The following TJP1 variants were observed in gnomAD, a reference collection of about 807,000 sequenced individuals.
TJP1 encodes tight junction protein 1.
In TJP1, 43 loss-of-function variants were observed where a neutral mutation model predicts 194.2. The ratio of observed to expected loss-of-function variants is 0.22; its 90% CI spans 0.17 to 0.29. TJP1 has a LOEUF of 0.29. Among genes scored for constraint, TJP1 ranks in the 10% least tolerant of loss-of-function variants. The pLI, the probability that TJP1 is intolerant of heterozygous loss-of-function variation, is 1.00. For missense variants in TJP1, 1,971 were observed against 2,185.7 expected, an observed-to-expected ratio of 0.90 and a Z score of 1.96; for synonymous variants, 801 against 779.0, an observed-to-expected ratio of 1.03 and a Z score of -0.47.
intron 8 of TJP1, among the ~76,000 whole-genome samples, chr15:29,749,725 C>T (rs527751903): frequency 6.6e-6 from 1 of 152,292 alleles, no homozygotes; most frequent in East Asian, 1.9e-4. Flanking sequence ...CAGTGAGCAC[C>T]GTTGTTCCCT....
intron 2 of TJP1, among the ~76,000 whole-genome samples, chr15:29,872,935 T>C (rs971598508): frequency 6.6e-6 from 1 of 152,228 alleles, no homozygotes; most frequent in Non-Finnish European, 1.5e-5. Context: ...CGCATGGGAA[T>C]AGGGCCAGGT....
At chr15:29,780,957 A>G (rs561483529) in intron 2 of TJP1, among the ~76,000 whole-genome samples, 3 of 152,154 alleles carry the variant, frequency 2.0e-5, no homozygotes, top group Non-Finnish European at 4.4e-5. Context: ...AGAGCAAACC[A>G]ACTCCAGAGC....
Position 29,719,981 on chromosome 15 carries a change from C to A in TJP1, c.2799G>T (p.Ser933=), listed in dbSNP as rs369526482. 13 of 1,613,714 alleles carry A rather than the reference C, an allele frequency of 8.1e-6. No homozygotes were observed. The highest frequency in any genetic ancestry group is 2.7e-5 in the African/African-American group (2 of 74,864). ...TTGATGATGCTGGGTTTGTTTCAGGCGAAAGGTAAGGGACTGGAGATGAAG... is the reference window on the plus strand; with the variant it reads ...TTGATGATGCTGGGTTTGTTTCAGGAGAAAGGTAAGGGACTGGAGATGAAG... ...AEASSPVPYL[S]PETNPASSTS... Residue 933 remains serine (S), a synonymous_variant, in exon 20 of 28, where the codon TCG becomes TCT. Coordinates refer to ENST00000614355, the MANE Select transcript of TJP1 (RefSeq NM_001330239.4).
intron 1 of TJP1, among the ~76,000 whole-genome samples, chr15:29,959,371 T>C (rs77818236): frequency 6.6e-6 from 1 of 152,062 alleles, no homozygotes; most frequent in Non-Finnish European, 1.5e-5. Flanking sequence ...AAAATCACCA[T>C]CTAATGTTTT....
intron 18 of TJP1, among the ~76,000 whole-genome samples, chr15:29,725,348 T>A (rs2043175700): frequency 6.6e-6 from 1 of 152,162 alleles, no homozygotes; most frequent in East Asian, 1.9e-4. Context: ...TTGCAGAGGC[T>A]GTGTATGTCT....
At chr15:29,857,513 T>C in intron 2 of TJP1, among the ~76,000 whole-genome samples, 1 of 152,138 alleles carries the variant, frequency 6.6e-6, no homozygotes, top group Non-Finnish European at 1.5e-5. Flanking sequence ...ATCTTTCTTC[T>C]TGCCACATGG....
intron 2 of TJP1, among the ~76,000 whole-genome samples, chr15:29,859,527 G>A (rs961588732): frequency 1.3e-5 from 2 of 152,178 alleles, no homozygotes; most frequent in South Asian, 2.1e-4. Flanking sequence ...GCCCCGGTAA[G>A]AAGGCAGAGT....
chr15:29,966,401 G>C (rs2056334877), intron 1 of TJP1, among the ~76,000 whole-genome samples: 1 of 152,208 alleles, frequency 6.6e-6, no homozygotes, highest in Non-Finnish European at 1.5e-5. Context: ...CTACTCAGGA[G>C]GCTGAGGCAG....
At chr15:29,862,982 C>T (rs2052150100) in intron 2 of TJP1, among the ~76,000 whole-genome samples, 1 of 151,386 alleles carries the variant, frequency 6.6e-6, no homozygotes, top group Admixed American at 6.6e-5. Flanking sequence ...AATGACACCA[C>T]CAGATCTGTG....
rs563870877 is a variant in TJP1, at chr15:29,930,739, G to A, written c.306+25493C>T. ...GCTGAAGTGCCTGACATGGAAGTAA[G>A]ACAAAAAGGACTGGCGTAAGGATTG... On this transcript the variant is annotated intron_variant, in intron 2 of 28. Coordinates refer to the TJP1 transcript ENST00000356107. Among the ~76,000 whole-genome samples the A allele has an allele frequency of 7.9e-5, 12 of 152,292 alleles. No homozygotes were observed. The South Asian group carries it at 1.5e-3, about 18-fold the overall frequency.
chr15:29,760,659 G>A (rs903744712), intron 8 of TJP1, among the ~76,000 whole-genome samples: 3 of 152,128 alleles, frequency 2.0e-5, no homozygotes, highest in African/African-American at 2.4e-5. Context: ...TTACAGGTGT[G>A]AGCCACCGCG....
At chr15:29,910,938 G>C (rs2053992187) in intron 2 of TJP1, among the ~76,000 whole-genome samples, 1 of 152,242 alleles carries the variant, frequency 6.6e-6, no homozygotes, top group South Asian at 2.1e-4. Context: ...TGCATGGTAA[G>C]AGTACATCAA....
intron 2 of TJP1, among the ~76,000 whole-genome samples, chr15:29,849,034 A>G (rs1026340159): frequency 3.3e-5 from 5 of 152,194 alleles, no homozygotes; most frequent in Admixed American, 6.5e-5. Flanking sequence ...ATGATAATGT[A>G]ACATCTCTGA....
chr15:29,732,484 C>G lies in TJP1; in HGVS notation c.1966G>C (p.Val656Leu). The G allele has an allele frequency of 6.2e-7, 1 of 1,614,108 alleles. No individual in the cohort carries two copies. The highest frequency in any genetic ancestry group is 8.5e-7 in the Non-Finnish European group (1 of 1,180,040). ...TCTCTTGCCAGCTTTTCTCTGGCAA[C>G]ATCAGCTATTGGTCCAAAAATGGTT... ...PVTIFGPIAD[V>L]AREKLAREEP... Residue 656 changes from valine to leucine, a missense_variant, in exon 15 of 28, where the codon GTT becomes CTT. Coordinates refer to ENST00000614355, the MANE Select transcript of TJP1 (RefSeq NM_001330239.4).
chr15:29,903,269 C>T (rs1299638503), intron 2 of TJP1, among the ~76,000 whole-genome samples: 1 of 152,094 alleles, frequency 6.6e-6, no homozygotes, highest in Admixed American at 6.6e-5. Context: ...AAGGCACAAA[C>T]CCTGCATGCC....
intron 16 of TJP1, 129 bp downstream of exon 16, chr15:29,727,808 G>T: frequency 4.5e-6 from 3 of 671,618 alleles, no homozygotes; most frequent in Non-Finnish European, 7.7e-6. Context: ...TTTCAGTAAG[G>T]GCTTAATTTT....
chr15:29,958,751 A>T (rs2056043520), intron 1 of TJP1, among the ~76,000 whole-genome samples: 1 of 135,758 alleles, frequency 7.4e-6, no homozygotes, highest in Non-Finnish European at 1.6e-5. Context: ...AAGTGGCATT[A>T]GCACGTCTTC....
chr15:29,888,454 T>C (rs1380718004), intron 2 of TJP1, among the ~76,000 whole-genome samples: 1 of 152,218 alleles, frequency 6.6e-6, no homozygotes, highest in Non-Finnish European at 1.5e-5. Flanking sequence ...TATTACCATT[T>C]GTTTCAAAGT....
At chr15:29,724,178 T>C (rs2043101682) in intron 18 of TJP1, among the ~76,000 whole-genome samples, 1 of 152,174 alleles carries the variant, frequency 6.6e-6, no homozygotes, top group African/African-American at 2.4e-5. Context: ...GACTCTGACC[T>C]TGAGCACTGC....
Sources: allele counts gnomAD v4.1 joint callset (sites outside exome capture counted in the v4.1 genomes callset), GRCh38; gene constraint gnomAD v4.1.1; transcripts MANE v1.5; gene names NCBI Gene and HGNC (gene_info 2026-07-23, HGNC 2026-07-21).